LRRIQ3: variants seen among roughly 807,000 people sequenced by gnomAD.
The protein encoded by LRRIQ3 is leucine rich repeats and IQ motif containing 3.
Under a neutral mutation model 59.3 loss-of-function variants are expected in LRRIQ3, and 75 were observed. That is an observed-to-expected ratio of 1.26 (90% confidence interval 1.05 to 1.53). The LOEUF (loss-of-function observed/expected upper bound fraction) is 1.53. Among genes scored for constraint, LRRIQ3 ranks in the 40% most tolerant of loss-of-function variants. The pLI is 0.00. For missense variants in LRRIQ3, 831 were observed against 710.0 expected, an observed-to-expected ratio of 1.17 and a Z score of -1.94; for synonymous variants, 250 against 231.3, an observed-to-expected ratio of 1.08 and a Z score of -0.73.
At chr1:74,029,531 C>A (rs1653630858) in intron 7 of LRRIQ3, among the ~76,000 whole-genome samples, 1 of 152,108 alleles carries the variant, frequency 6.6e-6, no homozygotes, top group South Asian at 2.1e-4. Context: ...ACCAGCCTTG[C>A]ATCCCAGGGA....
chr1:74,051,362 T>C (rs543579749), intron 6 of LRRIQ3, among the ~76,000 whole-genome samples: 2 of 152,300 alleles, frequency 1.3e-5, no homozygotes, highest in Non-Finnish European at 2.9e-5. Context: ...TTACAAATAG[T>C]ATCCATTGCA....
At chr1:74,118,069 C>G (rs528240622) in intron 4 of LRRIQ3, among the ~76,000 whole-genome samples, 1 of 151,848 alleles carries the variant, frequency 6.6e-6, no homozygotes, top group Admixed American at 6.6e-5. Flanking sequence ...ATATCTAATA[C>G]TATAGAAAAT....
rs536116498 is a variant in LRRIQ3, at chr1:74,153,248, C to T, written c.707+2485G>A. On this transcript the variant is annotated intron_variant, in intron 4 of 7. Transcript: ENST00000354431. ...TATACTTTCCTTATATTGTATCACC[C>T]GTACTAGAAATACTACCACTCTAAA... Among the ~76,000 whole-genome samples, 15 of 152,116 alleles carry T rather than the reference C, an allele frequency of 9.9e-5. No homozygotes were observed. The South Asian group carries it at 3.1e-3, about 31-fold the overall frequency.
Position 74,198,142 on chromosome 1 carries a change from C to T in LRRIQ3, c.-147G>A. 6.7e-7 allele frequency: 1 copy of T among 1,483,826 alleles called. No individual in the cohort carries two copies. Among genetic ancestry groups the T allele is most frequent in the Non-Finnish European group, 8.9e-7 (1 of 1,119,614 alleles). 91.9% of individuals were successfully genotyped at this position (1,483,826 alleles called of 1,614,324 possible). ...TCCAAGTTCTCCACATCATGGTTTT[C>T]CGGGCGCCAGCCAAGGCGCTCCGGG... On this transcript the variant is annotated 5_prime_UTR_variant, in exon 1 of 8. Coordinates refer to ENST00000354431, the MANE Select transcript of LRRIQ3 (RefSeq NM_001105659.2).
At chr1:74,129,131 G>A (rs1419251348) in intron 4 of LRRIQ3, among the ~76,000 whole-genome samples, 2 of 152,016 alleles carry the variant, frequency 1.3e-5, no homozygotes, top group Non-Finnish European at 1.5e-5. Flanking sequence ...GTTCACTCGA[G>A]CCTGCAGAGC....
intron 5 of LRRIQ3, among the ~76,000 whole-genome samples, chr1:74,104,879 G>A (rs903520905): frequency 6.6e-6 from 1 of 151,984 alleles, no homozygotes; most frequent in Non-Finnish European, 1.5e-5. Flanking sequence ...CCACTGTGGT[G>A]TAGGATGCCA....
intron 3 of LRRIQ3, among the ~76,000 whole-genome samples, chr1:74,161,604 T>C (rs1214129907): frequency 6.6e-6 from 1 of 151,636 alleles, no homozygotes; most frequent in Non-Finnish European, 1.5e-5. Context: ...CAGGAGGGAA[T>C]TTAGATGATT....
At chr1:74,052,436 C>A (rs1026609037) in intron 6 of LRRIQ3, among the ~76,000 whole-genome samples, 5 of 152,086 alleles carry the variant, frequency 3.3e-5, no homozygotes, top group Non-Finnish European at 7.4e-5. Context: ...AAGTGCCCAC[C>A]TTATAGATTT....
intron 1 of LRRIQ3, 132 bp from the exon 2 acceptor site, chr1:74,183,816 C>A: frequency 1.5e-6 from 1 of 670,388 alleles, no homozygotes; most frequent in Non-Finnish European, 2.3e-6. Flanking sequence ...AAAACTCATT[C>A]TTATAGAACT....
At chr1:74,194,190 A>G (rs187690467) in intron 1 of LRRIQ3, among the ~76,000 whole-genome samples, 119 of 152,220 alleles carry the variant, frequency 7.8e-4, no homozygotes, top group Middle Eastern at 3.4e-3. Context: ...GCACTCCAGC[A>G]TGGGTGAAAG....
chr1:74,188,152 C>CA (rs1557661817), intron 1 of LRRIQ3, among the ~76,000 whole-genome samples: 2 of 152,050 alleles, frequency 1.3e-5, no homozygotes, highest in Admixed American at 6.5e-5. Context: ...TTATCCTCAG[C>CA]AAAAAAATGC....
At chr1:74,117,720 C>T (rs181464443) in intron 4 of LRRIQ3, among the ~76,000 whole-genome samples, 2 of 152,074 alleles carry the variant, frequency 1.3e-5, no homozygotes, top group Admixed American at 6.5e-5. Flanking sequence ...GAGCTGAGAT[C>T]GCACCACCGC....
chr1:74,074,584 G>C, intron 6 of LRRIQ3, 77 bp downstream of exon 6: 1 of 636,928 alleles, frequency 1.6e-6, no homozygotes, highest in Non-Finnish European at 2.3e-6. Context: ...AAATCAACAT[G>C]CCCAATTTCT....
At chr1:74,073,555 C>T (rs994920936) in intron 6 of LRRIQ3, among the ~76,000 whole-genome samples, 2 of 150,724 alleles carry the variant, frequency 1.3e-5, no homozygotes, top group Non-Finnish European at 3.0e-5. Flanking sequence ...ATAAAAAGAC[C>T]ACACACACAA....
intron 4 of LRRIQ3, among the ~76,000 whole-genome samples, chr1:74,119,103 T>C (rs765110016): frequency 6.6e-6 from 1 of 151,736 alleles, no homozygotes; most frequent in African/African-American, 2.4e-5. Context: ...TTACAAATAG[T>C]ATAACACTTT....
At chr1:74,145,421 G>A (rs1647510416) in intron 4 of LRRIQ3, among the ~76,000 whole-genome samples, 1 of 152,060 alleles carries the variant, frequency 6.6e-6, no homozygotes, top group African/African-American at 2.4e-5. Context: ...AATTTTTCGT[G>A]AGCTTCCTGA....
At chr1:74,100,569 T>C (rs564249541) in intron 5 of LRRIQ3, among the ~76,000 whole-genome samples, 16 of 152,282 alleles carry the variant, frequency 1.1e-4, no homozygotes, top group Non-Finnish European at 1.5e-4. Flanking sequence ...TTCAAGTTCA[T>C]ATGGAACCAA....
At chr1:74,126,298 C>T (rs1203222799) in intron 4 of LRRIQ3, among the ~76,000 whole-genome samples, 2 of 151,564 alleles carry the variant, frequency 1.3e-5, no homozygotes, top group African/African-American at 2.4e-5. Context: ...CTTTTAACCA[C>T]CAATTTTTCA....
At chr1:74,170,053 G>A (rs1244089117) in intron 3 of LRRIQ3, among the ~76,000 whole-genome samples, 1 of 152,026 alleles carries the variant, frequency 6.6e-6, no homozygotes, top group Non-Finnish European at 1.5e-5. Context: ...AGGTATAAGA[G>A]TTCCTTATAT....
Sources: allele counts gnomAD v4.1 joint callset (sites outside exome capture counted in the v4.1 genomes callset), GRCh38; gene constraint gnomAD v4.1.1; transcripts MANE v1.5; gene names NCBI Gene and HGNC (gene_info 2026-07-23, HGNC 2026-07-21).